Variants in SHCBP1L observed in about 807,000 individuals in gnomAD.
The protein encoded by SHCBP1L is SHC binding and spindle associated 1 like, also known as testicular spindle-associated protein SHCBP1L.
SHCBP1L carries 67 observed loss-of-function variants against 62.5 expected under a neutral mutation model. That is an observed-to-expected ratio of 1.07 (90% CI 0.88 to 1.31). The LOEUF (loss-of-function observed/expected upper bound fraction) is 1.31. Among genes scored for constraint, SHCBP1L ranks in the 40% most tolerant of loss-of-function variants. The probability of loss-of-function intolerance (pLI) is 0.00; values close to 1 mark genes in which losing one functional copy is unlikely to be tolerated. For synonymous variants in SHCBP1L, 284 were observed against 289.4 expected (o/e 0.98, Z 0.19); for missense variants, 823 against 809.8 (o/e 1.02, Z -0.20).
chr1:182,900,381 G>A, intron 9 of SHCBP1L, 147 bp from the exon 10 acceptor site: 1 of 626,302 alleles, frequency 1.6e-6, no homozygotes, highest in East Asian at 3.1e-5. Flanking sequence ...CAAGTGTTAA[G>A]TACTGTTTTC....
rs1651858411 is a variant in SHCBP1L, at chr1:182,953,153, C to T, written c.-20G>A. ...CGCCATCTCCTCAGCAGCCCGAGGG[C>T]CGAGGCAGCCGTTGGCCACTTTTCC... On this transcript the variant is annotated 5_prime_UTR_variant, in exon 1 of 10. Transcript: ENST00000367547. The T allele has an allele frequency of 1.3e-6, 2 of 1,571,962 alleles. No individual in the cohort carries two copies. Among genetic ancestry groups the T allele is most frequent in the Admixed American group, 1.8e-5 (1 of 56,842 alleles).
intron 6 of SHCBP1L, among the ~76,000 whole-genome samples, chr1:182,923,097 A>G (rs1007071391): frequency 6.6e-6 from 1 of 152,222 alleles, no homozygotes; most frequent in Non-Finnish European, 1.5e-5. Context: ...AGGCTATTAC[A>G]AACACCTCTA....
intron 5 of SHCBP1L, among the ~76,000 whole-genome samples, chr1:182,930,697 G>A (rs866978661): frequency 0.01 from 710 of 70,892 alleles, 27 homozygotes; most frequent in African/African-American, 0.041. Flanking sequence ...GTGTGTGTGT[G>A]TGTGTGTATA....
At chr1:182,900,386 G>C in intron 9 of SHCBP1L, 152 bp from the exon 10 acceptor site, 2 of 583,196 alleles carry the variant, frequency 3.4e-6, no homozygotes, top group Non-Finnish European at 2.7e-6. Flanking sequence ...GTTAAGTACT[G>C]TTTTCATGAC....
At chr1:182,947,600 C>T (rs1333132024) in intron 2 of SHCBP1L, among the ~76,000 whole-genome samples, 1 of 152,206 alleles carries the variant, frequency 6.6e-6, no homozygotes. Context: ...CTAGTGACAG[C>T]AGGACCAACT....
Position 182,953,148 on chromosome 1 carries a change from GA to G in SHCBP1L, c.-16del. 6.3e-7 allele frequency: 1 copy of G among 1,575,364 alleles called. No homozygotes were observed. Among genetic ancestry groups the G allele is most frequent in the South Asian group, 1.1e-5 (1 of 87,620 alleles). On this transcript the variant is annotated 5_prime_UTR_variant, in exon 1 of 10. Coordinates refer to ENST00000367547, the MANE Select transcript of SHCBP1L (RefSeq NM_030933.4). Reference sequence around the variant, plus strand: ...CCCGACGCCATCTCCTCAGCAGCCCGAGGGCCGAGGCAGCCGTTGGCCACTT... The same window carrying G: ...CCCGACGCCATCTCCTCAGCAGCCCGGGGCCGAGGCAGCCGTTGGCCACTT...
chr1:182,947,326 C>A (rs1165624483), intron 2 of SHCBP1L, among the ~76,000 whole-genome samples: 1 of 151,918 alleles, frequency 6.6e-6, no homozygotes, highest in Admixed American at 6.6e-5. Flanking sequence ...GGCAAAAGGC[C>A]AAGAAGCAAT....
At position 182,905,590 on chromosome 1, in the gene SHCBP1L, C is replaced by T. The variant is rs1462532860; in HGVS notation, c.1242G>A (p.Leu414=). 1 of 1,613,698 alleles carries T rather than the reference C, an allele frequency of 6.2e-7. No homozygotes were observed. The change falls in exon 7 of 10, where the codon TTG becomes TTA. Residue 414 remains leucine (L), a synonymous_variant. Coordinates refer to ENST00000367547, the MANE Select transcript of SHCBP1L (RefSeq NM_030933.4). The part of the protein sequence containing the change: ...LQQHGDLDLA[L]DNCYSGDTVI... ...CTGTATCTCCACTATAACAATTATCCAAAGCCAAATCCAAATCACCATGCT... is the reference window on the plus strand; with the variant it reads ...CTGTATCTCCACTATAACAATTATCTAAAGCCAAATCCAAATCACCATGCT...
intron 6 of SHCBP1L, among the ~76,000 whole-genome samples, chr1:182,908,689 T>TA (rs1326303275): frequency 6.6e-6 from 1 of 152,242 alleles, no homozygotes; most frequent in Non-Finnish European, 1.5e-5. Flanking sequence ...GAAAATACTA[T>TA]AACAGATCCT....
At chr1:182,923,277 C>A (rs1370188897) in intron 6 of SHCBP1L, among the ~76,000 whole-genome samples, 2 of 152,112 alleles carry the variant, frequency 1.3e-5, no homozygotes, top group Admixed American at 6.5e-5. Flanking sequence ...CTGAATGAGA[C>A]AAATTTACAG....
chr1:182,930,418 C>T (rs1164078556), intron 5 of SHCBP1L, among the ~76,000 whole-genome samples: 3 of 151,046 alleles, frequency 2.0e-5, no homozygotes, highest in African/African-American at 7.3e-5. Flanking sequence ...TTTATCATTA[C>T]TGTCAGCCAA....
chr1:182,944,891 A>C (rs1651501046), intron 2 of SHCBP1L, among the ~76,000 whole-genome samples: 1 of 152,032 alleles, frequency 6.6e-6, no homozygotes, highest in South Asian at 2.1e-4. Flanking sequence ...TTCCTGCAAA[A>C]AACGTTTTCC....
intron 6 of SHCBP1L, among the ~76,000 whole-genome samples, chr1:182,909,055 C>A (rs1279475997): frequency 6.6e-6 from 1 of 152,124 alleles, no homozygotes; most frequent in African/African-American, 2.4e-5. Context: ...GTATTACATA[C>A]ATTGGAAGCA....
intron 5 of SHCBP1L, among the ~76,000 whole-genome samples, chr1:182,931,943 A>ATTTTT (rs1164377476): frequency 0.026 from 1,797 of 69,620 alleles, 176 homozygotes; most frequent in African/African-American, 0.05. Context: ...GGAACCACTG[A>ATTTTT]TTTTTTTTTT....
intron 2 of SHCBP1L, among the ~76,000 whole-genome samples, chr1:182,944,153 T>TAAATAAATAAATAAAA (rs1211471779): frequency 1.0e-4 from 15 of 147,846 alleles, no homozygotes; most frequent in African/African-American, 3.3e-4. Flanking sequence ...AATAAATAAA[T>TAAATAAATAAATAAAA]AAAAGAGGCC....
At chr1:182,919,241 G>A (rs2101931397) in intron 6 of SHCBP1L, among the ~76,000 whole-genome samples, 1 of 152,322 alleles carries the variant, frequency 6.6e-6, no homozygotes, top group East Asian at 1.9e-4. Context: ...AGGCTAGGAA[G>A]TCTAAGGTCA....
chr1:182,900,169 T>C lies in SHCBP1L; in HGVS notation c.1776A>G (p.Val592=). 1 of 1,612,422 alleles carries C rather than the reference T, an allele frequency of 6.2e-7. No individual in the cohort carries two copies. Among genetic ancestry groups the C allele is most frequent in the Non-Finnish European group, 8.5e-7 (1 of 1,179,098 alleles). Residue 592 remains valine (V), a synonymous_variant, in exon 10 of 10, where the codon GTA becomes GTG. Transcript: ENST00000367547. ...NHIYSNKGYG[V]SILQPMEQFF... Reference sequence around the variant, plus strand: ...ACTGTTCCATTGGTTGAAGAATGCTTACTCCATAGCCTTTGTTGCTATAAA... The same window carrying C: ...ACTGTTCCATTGGTTGAAGAATGCTCACTCCATAGCCTTTGTTGCTATAAA...
chr1:182,901,975 A>G (rs1329843981), intron 9 of SHCBP1L, among the ~76,000 whole-genome samples: 1 of 152,190 alleles, frequency 6.6e-6, no homozygotes, highest in Non-Finnish European at 1.5e-5. Flanking sequence ...ATTTAAGAAC[A>G]GAAAAAATGT....
intron 6 of SHCBP1L, among the ~76,000 whole-genome samples, chr1:182,918,164 A>C (rs1650415445): frequency 6.8e-6 from 1 of 148,108 alleles, no homozygotes; most frequent in Admixed American, 6.8e-5. Context: ...ACACATATAT[A>C]TACACACATA....
Sources: gnomAD v4.1 joint callset for allele counts (sites outside exome capture counted in the v4.1 genomes callset) on GRCh38, gnomAD v4.1.1 for gene constraint, MANE v1.5 for transcripts, NCBI Gene and HGNC (gene_info 2026-07-23, HGNC 2026-07-21) for gene names.